The following PAPLN variants were observed in gnomAD, a reference collection of about 807,000 sequenced individuals.
The protein encoded by PAPLN is papilin, proteoglycan like sulfated glycoprotein, also known as papilin.
In PAPLN, 146 loss-of-function variants were observed where a neutral mutation model predicts 159.0. The ratio of observed to expected loss-of-function variants is 0.92; its 90% CI spans 0.80 to 1.05. The LOEUF (loss-of-function observed/expected upper bound fraction) is 1.05, where lower values mean the gene tolerates loss of function less well. Ranked by LOEUF, PAPLN falls within the 50% of genes least tolerant of loss-of-function variation. PAPLN has a pLI of 0.00. For synonymous variants in PAPLN, 734 were observed against 702.9 expected, an observed-to-expected ratio of 1.04 and a Z score of -0.70; for missense variants, 1,720 against 1,743.9, an observed-to-expected ratio of 0.99 and a Z score of 0.24.
At position 73,245,977 on chromosome 14, in the gene PAPLN, G is replaced by T; in HGVS notation, c.232-96G>T. On this transcript the variant is annotated intron_variant, in intron 4 of 26. Coordinates refer to ENST00000644200, the MANE Select transcript of PAPLN (RefSeq NM_001365906.3). This position sits in a 1 kb window ranked among gnomAD's most constrained non-coding sequence, Gnocchi z 4.2. The stretch of plus-strand genomic sequence containing the variant: ...CCGGCGGCTCCGATGGGGCAGGCAA[G>T]GGAGACTCCTGGGCTCCCTGGGCTC... 7.8e-7 allele frequency: 1 copy of T among 1,274,900 alleles called. No individual in the cohort carries two copies. The highest frequency in any genetic ancestry group is 1.5e-5 in the South Asian group (1 of 64,970). 79.0% of individuals were successfully genotyped at this position (1,274,900 alleles called of 1,614,324 possible). A position where few individuals can be genotyped will look rare whatever the true frequency, so the allele number is the denominator to read the frequency against.
chr14:73,269,110 T>A (rs1336779739), intron 26 of PAPLN, among the ~76,000 whole-genome samples: 2 of 152,214 alleles, frequency 1.3e-5, no homozygotes, highest in Non-Finnish European at 2.9e-5. Flanking sequence ...TAATCCACTC[T>A]AAACCACTAA....
chr14:73,257,436 A>C (rs1323315482), intron 14 of PAPLN, among the ~76,000 whole-genome samples: 1 of 151,946 alleles, frequency 6.6e-6, no homozygotes, highest in Non-Finnish European at 1.5e-5. Flanking sequence ...GTTTTCTCTT[A>C]TGTAGCATTA....
rs776273080 is a variant in PAPLN at position 73,266,486 on chromosome 14, G to A, written c.3264-15G>A. On this transcript the variant is annotated splice_polypyrimidine_tract_variant and intron_variant, in intron 23 of 26. Coordinates refer to ENST00000644200, the MANE Select transcript of PAPLN (RefSeq NM_001365906.3). ...CTCCTTGGGCTGGAGCCAACTGGCT[G>A]TACTTGGTCCCCAGACACCAGCTGC... is the stretch of plus-strand genomic sequence containing the variant. 20 of 1,613,304 alleles carry A rather than the reference G, an allele frequency of 1.2e-5. No homozygotes were observed. The highest frequency in any genetic ancestry group is 1.7e-5 in the Non-Finnish European group (20 of 1,179,710).
chr14:73,245,762 T>A lies in PAPLN; in HGVS notation c.231+66T>A. 6.6e-7 allele frequency: 1 copy of A among 1,517,888 alleles called. No homozygotes were observed. Among genetic ancestry groups the A allele is most frequent in the Non-Finnish European group, 8.8e-7 (1 of 1,132,558 alleles). 94.0% of individuals were successfully genotyped at this position (1,517,888 alleles called of 1,614,324 possible). A position where few individuals can be genotyped will look rare whatever the true frequency, so the allele number is the denominator to read the frequency against. On this transcript the variant is annotated intron_variant, in intron 4 of 26. Transcript: ENST00000644200. This position sits in a 1 kb window ranked among gnomAD's most constrained non-coding sequence, Gnocchi z 4.2. ...AGCCCCTCCTGGCCGATTTCCCCAT[T>A]GGGATGCCCGCTCCTGGCCGCGGGC...
chr14:73,252,500 T>G, intron 10 of PAPLN, 149 bp from the exon 11 acceptor site: 1 of 1,066,584 alleles, frequency 9.4e-7, no homozygotes, highest in South Asian at 1.8e-5. Context: ...ATCTGCCAAT[T>G]GGAGATGTGG....
rs11622792 is a variant in PAPLN at position 73,273,095 on chromosome 14, T to C, written c.*431T>C. 1,361 of 152,216 alleles carry C rather than the reference T, an allele frequency of 8.9e-3. 6 individuals carry two copies. Among genetic ancestry groups the C allele is most frequent in the Non-Finnish European group, 0.013 (919 of 68,646 alleles). The allele number at this position is 152,216 out of a possible 1,614,324, so 9.4% of individuals were successfully genotyped here. ...CTCCTGGGTTCTTGATTCTCCTGTG[T>C]CAGCCTTCTGAGTAGCTAGGATTAC... On this transcript the variant is annotated 3_prime_UTR_variant, in exon 27 of 27. Coordinates refer to ENST00000644200, the MANE Select transcript of PAPLN (RefSeq NM_001365906.3).
At position 73,252,038 on chromosome 14, in the gene PAPLN, C is replaced by T. The variant is rs551759763; in HGVS notation, c.864C>T (p.Asn288=). 31 of 1,610,984 alleles carry T rather than the reference C, an allele frequency of 1.9e-5. No individual in the cohort carries two copies. The South Asian group carries it at 2.8e-4, about 14-fold the overall frequency. Residue 288 remains asparagine, a synonymous_variant, in exon 10 of 27, where the codon AAC becomes AAT. Coordinates refer to ENST00000644200, the MANE Select transcript of PAPLN (RefSeq NM_001365906.3). ...LVIELISQEP[N]PGVHYEYHLP... is the part of the protein sequence containing the mutation. ...GACAGCTCATCAGCCAGGAGCCCAA[C>T]CCCGGTGTGCACTATGAGTACCACC... is the stretch of plus-strand genomic sequence containing the variant.
At chr14:73,262,152 G>A (rs541560268) in intron 18 of PAPLN, 198 bp from the exon 19 acceptor site, 16 of 558,234 alleles carry the variant, frequency 2.9e-5, no homozygotes, top group South Asian at 9.2e-5. Context: ...GGCACCAGCC[G>A]GGGGCAGGTC....
Position 73,259,018 on chromosome 14 carries a change from A to G in PAPLN, c.1667A>G (p.Asn556Ser). ...CAGGATGTGCACACCCCTGCCAGCA[A>G]CCCCTGGATGCCGTTGGGCCCTCAG... The part of the protein sequence containing the change: ...SMQDVHTPAS[N>S]PWMPLGPQES... The change falls in exon 15 of 27, where the codon AAC becomes AGC. Residue 556 changes from asparagine to serine, a missense_variant. Physicochemically the swap from Asn to Ser is conservative, Grantham distance 46. Coordinates refer to ENST00000644200, the MANE Select transcript of PAPLN (RefSeq NM_001365906.3). 1 of 1,612,554 alleles carries G rather than the reference A, an allele frequency of 6.2e-7. No individual in the cohort carries two copies. The highest frequency in any genetic ancestry group is 8.5e-7 in the Non-Finnish European group (1 of 1,179,374).
At chr14:73,256,881 CT>C (rs1420024021) in intron 14 of PAPLN, among the ~76,000 whole-genome samples, 2 of 151,134 alleles carry the variant, frequency 1.3e-5, no homozygotes, top group African/African-American at 4.9e-5. Context: ...AAGATTCTAT[CT>C]CAAAAATAAA....
intron 2 of PAPLN, chr14:73,242,974 C>T (rs1427015896): frequency 6.6e-6 from 1 of 152,236 alleles, no homozygotes; most frequent in Non-Finnish European, 1.5e-5. Flanking sequence ...TCAGGGGTCA[C>T]CATGAAAGCA....
At chr14:73,268,935 G>A (rs1887464245) in intron 26 of PAPLN, among the ~76,000 whole-genome samples, 1 of 152,186 alleles carries the variant, frequency 6.6e-6, no homozygotes, top group Admixed American at 6.5e-5. Context: ...TGAGAGGGCT[G>A]TAGTGGAGAT....
At chr14:73,259,926 G>A (rs907417123) in intron 16 of PAPLN, among the ~76,000 whole-genome samples, 15 of 152,078 alleles carry the variant, frequency 9.9e-5, no homozygotes, top group Admixed American at 7.2e-4. Flanking sequence ...TAACAGCCCC[G>A]GCCACTCCCG....
chr14:73,254,716 C>T, intron 13 of PAPLN, 21 bp downstream of exon 13: 1 of 1,608,750 alleles, frequency 6.2e-7, no homozygotes, highest in Non-Finnish European at 8.5e-7. Flanking sequence ...TCCACCCCCA[C>T]ACCTGCTGCC....
At chr14:73,236,864 A>AGG, upstream of PAPLN, among the ~76,000 whole-genome samples, 4 of 146,574 alleles carry the variant, frequency 2.7e-5, no homozygotes, top group South Asian at 2.1e-4. Flanking sequence ...GAAAGAAAAG[A>AGG]AAGAGGAAGA....
intron 5 of PAPLN, among the ~76,000 whole-genome samples, 167 bp downstream of exon 5, chr14:73,246,342 G>A (rs1347765113): frequency 6.6e-5 from 10 of 151,316 alleles, no homozygotes; most frequent in Admixed American, 6.6e-4. Context: ...GGGATCCGCC[G>A]GCAGCGACCT....
intron 17 of PAPLN, 89 bp from the exon 18 acceptor site, chr14:73,261,067 C>G: frequency 6.2e-7 from 1 of 1,602,654 alleles, no homozygotes; most frequent in Non-Finnish European, 8.5e-7. Flanking sequence ...TCTGGCCCCT[C>G]CTTCCTGCCA....
chr14:73,241,272 G>A (rs1275224633), intron 2 of PAPLN, among the ~76,000 whole-genome samples: 2 of 152,138 alleles, frequency 1.3e-5, no homozygotes, highest in Non-Finnish European at 2.9e-5. Flanking sequence ...CATGAATCTT[G>A]CTTCCTAAAT....
In PAPLN at chr14:73,247,780, G is replaced by T. The variant is rs1308995248; in HGVS notation, c.334+1605G>T. ...CGATAGTGGCAGTGGGCGTGGCCCAGTGGGAGTCTCTTATCCCGTGTGTGT... is the reference window on the plus strand; with the variant it reads ...CGATAGTGGCAGTGGGCGTGGCCCATTGGGAGTCTCTTATCCCGTGTGTGT... On this transcript the variant is annotated intron_variant, in intron 5 of 26. Coordinates refer to ENST00000644200, the MANE Select transcript of PAPLN (RefSeq NM_001365906.3). Among the ~76,000 whole-genome samples the T allele has an allele frequency of 2.9e-5, 4 of 139,022 alleles. No individual in the cohort carries two copies. The East Asian group carries it at 8.9e-4, about 31-fold the overall frequency. The allele number at this position is 139,022 out of a possible 152,430, so 91.2% of individuals were successfully genotyped here.
Sources: gnomAD v4.1 joint callset for allele counts (sites outside exome capture counted in the v4.1 genomes callset) on GRCh38, gnomAD v4.1.1 for gene constraint, Gnocchi (gnomAD v3.1) non-coding constraint, MANE v1.5 for transcripts, NCBI Gene and HGNC (gene_info 2026-07-23, HGNC 2026-07-21) for gene names.